The following TTC34 variants were observed in gnomAD, a reference collection of about 807,000 sequenced individuals.
TTC34 encodes the protein tetratricopeptide repeat domain 34, also known as tetratricopeptide repeat protein 34.
Under a neutral mutation model 40.7 loss-of-function variants are expected in TTC34, and 44 were observed. The observed-to-expected ratio is 1.08, with a 90% CI of 0.85 to 1.39. TTC34 has a LOEUF of 1.39. Ranked by LOEUF, TTC34 falls within the 40% of genes most tolerant of loss-of-function variation. TTC34 has a pLI of 0.00. For missense variants in TTC34, 884 were observed against 838.0 expected (o/e 1.05, Z -0.68); for synonymous variants, 422 against 398.6 (o/e 1.06, Z -0.70).
intron 6 of TTC34, among the ~76,000 whole-genome samples, chr1:2,656,368 A>G (rs1557589929): frequency 2.1e-5 from 2 of 95,970 alleles, no homozygotes; most frequent in Non-Finnish European, 4.0e-5. Flanking sequence ...CTGGAACAGC[A>G]CCCACACCCA....
At chr1:2,786,908 C>T (rs1308093504) in intron 4 of TTC34, among the ~76,000 whole-genome samples, 4 of 152,186 alleles carry the variant, frequency 2.6e-5, no homozygotes, top group Non-Finnish European at 4.4e-5. Context: ...GGACCCAAAC[C>T]GGGCCCCAGG....
intron 6 of TTC34, among the ~76,000 whole-genome samples, chr1:2,652,528 CAGGCGAGCATTGGAAAGCCT>C (rs1639182527): frequency 7.1e-6 from 1 of 140,534 alleles, no homozygotes; most frequent in Non-Finnish European, 1.5e-5. Flanking sequence ...CCCACACCTC[CAGGCGAGCATTGGAAAGCCT>C]GGAGCAGCAC....
chr1:2,759,685 G>GTGAGCA (rs1641628899), intron 6 of TTC34, among the ~76,000 whole-genome samples: 14 of 142,824 alleles, frequency 9.8e-5, no homozygotes, highest in South Asian at 2.3e-4. Flanking sequence ...ACAACCCCAG[G>GTGAGCA]CTTGCATCCG....
At chr1:2,696,418 A>G (rs1425763388) in intron 6 of TTC34, among the ~76,000 whole-genome samples, 2 of 71,410 alleles carry the variant, frequency 2.8e-5, no homozygotes, top group African/African-American at 4.9e-5. Flanking sequence ...AGCATCCGAC[A>G]GCCTGGAGCA....
intron 6 of TTC34, among the ~76,000 whole-genome samples, chr1:2,773,009 C>A (rs1642518257): frequency 6.6e-6 from 1 of 150,540 alleles, no homozygotes; most frequent in Non-Finnish European, 1.5e-5. Context: ...CCTGGAGCAG[C>A]ACCCACACCC....
At chr1:2,780,400 T>C (rs1219958637) in intron 6 of TTC34, among the ~76,000 whole-genome samples, 1 of 152,248 alleles carries the variant, frequency 6.6e-6, no homozygotes, top group Non-Finnish European at 1.5e-5. Flanking sequence ...CTGTGCTTAC[T>C]TCTAAGAATT....
intron 6 of TTC34, among the ~76,000 whole-genome samples, chr1:2,764,424 C>G (rs1641735133): frequency 6.7e-6 from 1 of 149,124 alleles, no homozygotes; most frequent in Non-Finnish European, 1.5e-5. Flanking sequence ...ACCCACACCC[C>G]CAGGTGAGCA....
intron 5 of TTC34, 40 bp from the exon 6 acceptor site, chr1:2,783,815 G>T: frequency 2.1e-6 from 3 of 1,416,868 alleles, no homozygotes; most frequent in Non-Finnish European, 2.8e-6. Flanking sequence ...AGCCTATGCT[G>T]GGTCCCTTCC....
intron 2 of TTC34, among the ~76,000 whole-genome samples, chr1:2,798,437 T>G (rs1337786730): frequency 0.015 from 240 of 16,018 alleles, no homozygotes; most frequent in Admixed American, 0.022. Context: ...CAGCCTCTCA[T>G]CCCCTCAGCT....
rs1641622708 is a variant in TTC34 at position 2,759,549 on chromosome 1, G to A, written c.2226+24060C>T. ...GATGAGCATCTGACAGCCTGGAACA[G>A]CACCCACACTCCCAGACGAGCATCG... On this transcript the variant is annotated intron_variant, in intron 6 of 8. Transcript: ENST00000401095. 1.7e-4 allele frequency among the ~76,000 whole-genome samples: 26 copies of A among 151,368 alleles called. No individual in the cohort carries two copies. The East Asian group carries it at 4.5e-3, about 26-fold the overall frequency.
chr1:2,779,601 G>A (rs1303858916), intron 6 of TTC34, among the ~76,000 whole-genome samples: 2 of 152,330 alleles, frequency 1.3e-5, no homozygotes, highest in East Asian at 3.9e-4. Flanking sequence ...GGGATTACAG[G>A]CGTGAGCCAC....
rs199653687 is a variant in TTC34 at position 2,776,110 on chromosome 1, A to G, written c.2226+7499T>C. 8.7e-4 allele frequency: 121 copies of G among 139,120 alleles called. No individual in the cohort carries two copies. In the East Asian group the frequency reaches 9.2e-3, roughly 11 times the overall value. The allele number at this position is 139,120 out of a possible 1,614,324, so 8.6% of individuals were successfully genotyped here. ...TTCAAATAAGAATTTGATAAGTGGG[A>G]AAAAGCTCCCCGCCCTCAGGTGAGT... On this transcript the variant is annotated intron_variant, in intron 6 of 8. Transcript: ENST00000401095.
chr1:2,695,063 A>ACCACACACACCCCCAG (rs1640798880), intron 6 of TTC34, among the ~76,000 whole-genome samples: 1 of 76,970 alleles, frequency 1.3e-5, no homozygotes, highest in South Asian at 4.0e-4. Context: ...ACACTGAAAC[A>ACCACACACACCCCCAG]GCACACACAC....
chr1:2,759,716 C>T (rs1397992860), intron 6 of TTC34, among the ~76,000 whole-genome samples: 2 of 85,374 alleles, frequency 2.3e-5, no homozygotes, highest in African/African-American at 7.3e-5. Context: ...GCAGGACCCA[C>T]ACCCCGAGGT....
chr1:2,767,700 T>G (rs1222538696), intron 6 of TTC34, among the ~76,000 whole-genome samples: 2 of 133,294 alleles, frequency 1.5e-5, no homozygotes, highest in Non-Finnish European at 3.2e-5. Context: ...GGTGAGGATC[T>G]GACTACCTGG....
At chr1:2,791,529 T>C (rs1437620693) in intron 2 of TTC34, among the ~76,000 whole-genome samples, 8 of 152,190 alleles carry the variant, frequency 5.3e-5, no homozygotes, top group Non-Finnish European at 1.5e-5. Flanking sequence ...CTGCGGTCAC[T>C]GCCCTGCTGC....
chr1:2,687,409 C>G (rs1640413776), intron 6 of TTC34, among the ~76,000 whole-genome samples: 1 of 149,174 alleles, frequency 6.7e-6, no homozygotes, highest in African/African-American at 2.6e-5. Context: ...CCCACACCCC[C>G]AGGTGAGCAT....
chr1:2,756,663 A>AGTG (rs1641516330), intron 6 of TTC34, among the ~76,000 whole-genome samples: 1 of 26,412 alleles, frequency 3.8e-5, no homozygotes, highest in African/African-American at 1.7e-4. Flanking sequence ...AACAGCACCC[A>AGTG]CACCCCCAGG....
chr1:2,642,010 G>T, intron 8 of TTC34, 115 bp from the exon 9 acceptor site: 1 of 1,201,800 alleles, frequency 8.3e-7, no homozygotes, highest in Non-Finnish European at 1.1e-6. Context: ...CCCTGGGGAT[G>T]GCGGGGCCCT....
Sources: gnomAD v4.1 joint callset for allele counts (sites outside exome capture counted in the v4.1 genomes callset) on GRCh38, gnomAD v4.1.1 for gene constraint, MANE v1.5 for transcripts, NCBI Gene and HGNC (gene_info 2026-07-23, HGNC 2026-07-21) for gene names.